Variants in FHOD3 observed in about 807,000 individuals in gnomAD.
The protein encoded by FHOD3 is formin homology 2 domain containing 3, also known as FH1/FH2 domain-containing protein 3.
FHOD3 carries 90 observed loss-of-function variants against 173.0 expected under a neutral mutation model. That is an observed-to-expected ratio of 0.52 (90% CI 0.44 to 0.62). FHOD3 has a LOEUF of 0.62. Ranked by LOEUF, FHOD3 falls within the 20% of genes least tolerant of loss-of-function variation. The pLI is 0.00. For missense variants in FHOD3, 1,945 were observed against 2,034.7 expected (o/e 0.96, Z 0.85); for synonymous variants, 828 against 823.0 (o/e 1.01, Z -0.10).
chr18:36,738,743 C>T (rs1456604069), intron 20 of FHOD3, among the ~76,000 whole-genome samples: 1 of 152,214 alleles, frequency 6.6e-6, no homozygotes, highest in Non-Finnish European at 1.5e-5. Context: ...CAATGGGCCA[C>T]ATTTATGTGT....
At position 36,355,528 on chromosome 18, in the gene FHOD3, T is replaced by C. The variant is rs745556544; in HGVS notation, c.166-11T>C. On this transcript the variant is annotated splice_polypyrimidine_tract_variant and intron_variant, in intron 1 of 28. Transcript: ENST00000590592. ...GAGCAGGTTGGGTATAACAGGCTCT[T>C]TCTCTTGCAGCTGGATGACTGTACT... 2.5e-6 allele frequency: 4 copies of C among 1,613,556 alleles called. No homozygotes were observed. The African/African-American group carries it at 5.3e-5, about 22-fold the overall frequency.
At chr18:36,302,498 A>G (rs528103100) in intron 1 of FHOD3, among the ~76,000 whole-genome samples, 1 of 152,334 alleles carries the variant, frequency 6.6e-6, no homozygotes, top group East Asian at 1.9e-4. Context: ...GATTTAGGTC[A>G]GGCTCTCAGT....
At chr18:36,358,820 A>G (rs985891382) in intron 2 of FHOD3, among the ~76,000 whole-genome samples, 26 of 152,042 alleles carry the variant, frequency 1.7e-4, no homozygotes, top group Non-Finnish European at 2.8e-4. Flanking sequence ...TTTTGTAGAG[A>G]CGGGGTCTCC....
rs115397010 is a variant in FHOD3, at chr18:36,752,918, T to C, written c.4233-2201T>C. Among the ~76,000 whole-genome samples the C allele has an allele frequency of 8.8e-3, 1,341 of 152,338 alleles. 16 individuals are homozygous for C. The highest frequency in any genetic ancestry group is 0.03 in the African/African-American group (1,247 of 41,562). On this transcript the variant is annotated intron_variant, in intron 24 of 28. Coordinates refer to ENST00000590592, the MANE Select transcript of FHOD3 (RefSeq NM_001281740.3). ...GCATACAGATCTTGAATAGTTGTTATATTATACTGTACTGTCCTATCCTAA... is the reference window on the plus strand; with the variant it reads ...GCATACAGATCTTGAATAGTTGTTACATTATACTGTACTGTCCTATCCTAA...
At chr18:36,563,888 T>C (rs568951470) in intron 5 of FHOD3, among the ~76,000 whole-genome samples, 21 of 152,268 alleles carry the variant, frequency 1.4e-4, no homozygotes, top group African/African-American at 4.8e-4. Context: ...TCTGGGTGTT[T>C]ATGAGCTCCA....
chr18:36,709,172 G>A lies in FHOD3; in HGVS notation c.2314G>A (p.Ala772Thr). ...AGGGGCGGGGCAGGTTGCTGATGAAGCTGGCCAGGACATAGCCTCTGCCCA... is the reference window on the plus strand; with the variant it reads ...AGGGGCGGGGCAGGTTGCTGATGAAACTGGCCAGGACATAGCCTCTGCCCA... ...EAGAGQVADE[A>T]GQDIASAHEG... Residue 772 changes from alanine (A) to threonine (T), a missense_variant, in exon 18 of 29, where the codon GCT becomes ACT. This residue lies in a region of FHOD3 where 1,099 missense variants were observed against 1,051.2 expected (regional missense o/e 1.05). Transcript: ENST00000590592. The A allele has an allele frequency of 6.2e-7, 1 of 1,614,190 alleles. No individual in the cohort carries two copies. The highest frequency in any genetic ancestry group is 1.6e-4 in the Middle Eastern group (1 of 6,062).
intron 1 of FHOD3, among the ~76,000 whole-genome samples, chr18:36,308,572 A>G (rs1291588800): frequency 2.6e-5 from 4 of 152,148 alleles, no homozygotes; most frequent in Non-Finnish European, 5.9e-5. Flanking sequence ...AACTCATTCT[A>G]GGCTTTCCTG....
At chr18:36,347,046 C>T (rs548777846) in intron 1 of FHOD3, among the ~76,000 whole-genome samples, 2 of 152,284 alleles carry the variant, frequency 1.3e-5, no homozygotes, top group African/African-American at 4.8e-5. Context: ...TAGTGTGTGG[C>T]ATGGACACAG....
At chr18:36,699,973 G>A (rs774778536) in intron 17 of FHOD3, among the ~76,000 whole-genome samples, 3 of 151,984 alleles carry the variant, frequency 2.0e-5, no homozygotes, top group Non-Finnish European at 4.4e-5. Flanking sequence ...TCATCTCCAG[G>A]CTAAACAGGA....
At chr18:36,489,714 C>T (rs375934144) in intron 3 of FHOD3, among the ~76,000 whole-genome samples, 32 of 152,114 alleles carry the variant, frequency 2.1e-4, no homozygotes, top group African/African-American at 7.5e-4. Flanking sequence ...AAAAGGAATA[C>T]GTGAGTCTTG....
intron 5 of FHOD3, among the ~76,000 whole-genome samples, chr18:36,573,709 A>G (rs968110067): frequency 9.2e-5 from 14 of 152,196 alleles, no homozygotes; most frequent in African/African-American, 2.9e-4. Context: ...TACTTATTTT[A>G]TGAGAAACAT....
rs753194188 is a variant in FHOD3 at position 36,709,311 on chromosome 18, C to T, written c.2453C>T (p.Ser818Phe). Residue 818 changes from serine (S) to phenylalanine (F), a missense_variant, in exon 18 of 29, where the codon TCT becomes TTT. This residue lies in a region of FHOD3 where 1,099 missense variants were observed against 1,051.2 expected (regional missense o/e 1.05). Coordinates refer to ENST00000590592, the MANE Select transcript of FHOD3 (RefSeq NM_001281740.3). ...NEGVNERDNC[S>F]ASSVSSSSST... ...GGGGTGAACGAGAGGGACAACTGCT[C>T]TGCCTCCAGCGTCTCGTCCTCCAGC... 1.2e-6 allele frequency: 2 copies of T among 1,614,248 alleles called. No individual in the cohort carries two copies. Among genetic ancestry groups the T allele is most frequent in the South Asian group, 1.1e-5 (1 of 91,092 alleles).
chr18:36,576,440 G>A lies in FHOD3; in HGVS notation c.512-11G>A, dbSNP rs760547385. 3.1e-6 allele frequency: 5 copies of A among 1,600,058 alleles called. No individual in the cohort carries two copies. On this transcript the variant is annotated splice_polypyrimidine_tract_variant and intron_variant, in intron 5 of 28. Transcript: ENST00000590592. ...ATCTATAATGTCTCCTTTTTCTCTT[G>A]TTTTCTGTAGCTTTGGGCCAGATTA...
chr18:36,739,661 C>T (rs2041810499), intron 20 of FHOD3, among the ~76,000 whole-genome samples: 1 of 152,152 alleles, frequency 6.6e-6, no homozygotes, highest in Non-Finnish European at 1.5e-5. Flanking sequence ...TCAGCATTTT[C>T]TAGTTTCCAG....
At chr18:36,377,509 TC>T (rs1451382727) in intron 3 of FHOD3, among the ~76,000 whole-genome samples, 6 of 152,230 alleles carry the variant, frequency 3.9e-5, no homozygotes, top group Non-Finnish European at 7.3e-5. Flanking sequence ...ACTAGAGGTT[TC>T]CTATGGGAAG....
chr18:36,640,131 C>T (rs952206424), intron 10 of FHOD3, among the ~76,000 whole-genome samples: 27 of 152,144 alleles, frequency 1.8e-4, no homozygotes, highest in African/African-American at 5.6e-4. Context: ...ATTAGGGATC[C>T]ATGAGCTATA....
chr18:36,349,672 ATGCTAG>A (rs1185687687), intron 1 of FHOD3, among the ~76,000 whole-genome samples: 36 of 152,350 alleles, frequency 2.4e-4, no homozygotes, highest in Admixed American at 6.5e-4. Context: ...CCCCAGTAAC[ATGCTAG>A]TTCACTGGAC....
chr18:36,673,214 T>G (rs2037645633), intron 14 of FHOD3, among the ~76,000 whole-genome samples: 1 of 152,182 alleles, frequency 6.6e-6, no homozygotes, highest in Non-Finnish European at 1.5e-5. Flanking sequence ...TTGGGCTAGT[T>G]GTCTTGTATC....
intron 6 of FHOD3, among the ~76,000 whole-genome samples, chr18:36,588,624 G>A (rs2059116945): frequency 6.6e-6 from 1 of 152,004 alleles, no homozygotes; most frequent in Admixed American, 6.6e-5. Flanking sequence ...AGATTTTTTG[G>A]AATTCTTTTA....
Sources: gnomAD v4.1 joint callset for allele counts (sites outside exome capture counted in the v4.1 genomes callset) on GRCh38, gnomAD v4.1.1 for gene constraint, gnomAD v4.1.1 regional missense constraint, MANE v1.5 for transcripts, NCBI Gene and HGNC (gene_info 2026-07-23, HGNC 2026-07-21) for gene names.